WDR33: variants seen among roughly 807,000 people sequenced by gnomAD.
WDR33 encodes the protein WD repeat domain 33.
WDR33 carries 47 observed loss-of-function variants against 164.9 expected under a neutral mutation model. The observed-to-expected ratio is 0.29, with a 90% CI of 0.23 to 0.36. WDR33 has a LOEUF of 0.36. WDR33 is among the 10% of genes least tolerant of loss of function. The pLI is 1.00. For synonymous variants in WDR33, 505 were observed against 589.0 expected (o/e 0.86, Z 2.06); for missense variants, 1,137 against 1,754.1 (o/e 0.65, Z 6.28).
At chr2:127,780,746 A>G (rs1318866695) in intron 1 of WDR33, among the ~76,000 whole-genome samples, 1 of 152,202 alleles carries the variant, frequency 6.6e-6, no homozygotes, top group Non-Finnish European at 1.5e-5. Context: ...CTGAAGCAGG[A>G]GGATCCCTTG....
rs376187830 is a variant in WDR33 at position 127,712,751 on chromosome 2, T to TTTTTG, written c.3308+827_3308+831dup. Among the ~76,000 whole-genome samples, 4,084 of 152,240 alleles carry TTTTTG rather than the reference T, an allele frequency of 0.027. 193 individuals carry two copies. Among genetic ancestry groups the TTTTTG allele is most frequent in the African/African-American group, 0.092 (3,830 of 41,494 alleles). On this transcript the variant is annotated intron_variant, in intron 18 of 21. Transcript: ENST00000322313. This position sits in a 1 kb window ranked among gnomAD's most constrained non-coding sequence, Gnocchi z 4.0. ...TGAGATTTTACTATTTCCTGGTGTT[T>TTTTTG]TTTTGTTTTGTTTTGTTTTTCTTTT... is the stretch of plus-strand genomic sequence containing the variant.
Position 127,765,154 on chromosome 2 carries a change from C to A in WDR33, c.474+20G>T, listed in dbSNP as rs1287489014. On this transcript the variant is annotated intron_variant, in intron 5 of 21. Transcript: ENST00000322313. ...TTACAGTACCACAGGATGATGATACCATCTGGTGATTATCATTACCTGTAA... is the reference window on the plus strand; with the variant it reads ...TTACAGTACCACAGGATGATGATACAATCTGGTGATTATCATTACCTGTAA... The A allele has an allele frequency of 1.2e-6, 2 of 1,601,082 alleles. No individual in the cohort carries two copies. Among genetic ancestry groups the A allele is most frequent in the Admixed American group, 3.3e-5 (2 of 59,738 alleles).
At chr2:127,707,634 C>T (rs1188714744) in intron 21 of WDR33, among the ~76,000 whole-genome samples, 1 of 152,170 alleles carries the variant, frequency 6.6e-6, no homozygotes, top group African/African-American at 2.4e-5. Context: ...GCAGGGTGAT[C>T]TATTGATGAT....
In WDR33 at chr2:127,701,437, C is replaced by T. The variant is rs1685873732; in HGVS notation, c.*4886G>A. ...CCGCAGGCCCTGCCCCTTTCGCCGT[C>T]GCCGACCAATTGCCGCCCGAAGACC... is the stretch of plus-strand genomic sequence containing the variant. On this transcript the variant is annotated 3_prime_UTR_variant, in exon 22 of 22. Coordinates refer to ENST00000322313, the MANE Select transcript of WDR33 (RefSeq NM_018383.5). 7.6e-6 allele frequency: 9 copies of T among 1,188,232 alleles called. No homozygotes were observed. In the South Asian group the frequency reaches 2.2e-4, roughly 29 times the overall value. 73.6% of individuals were successfully genotyped at this position (1,188,232 alleles called of 1,614,324 possible). A position where few individuals can be genotyped will look rare whatever the true frequency, so the allele number is the denominator to read the frequency against.
rs1185313924 is a variant in WDR33, at chr2:127,738,200, TG to T, written c.725-11424del. ...AATCTGAGATAACATATGCTCCAAC[TG>T]GATCTTAACAAACATCTCCATTTCT... On this transcript the variant is annotated intron_variant, in intron 7 of 21. Coordinates refer to ENST00000322313, the MANE Select transcript of WDR33 (RefSeq NM_018383.5). The surrounding 1 kb of genome is among the most constrained non-coding windows in gnomAD (Gnocchi z 4.4). 1.7e-5 allele frequency: 11 copies of T among 639,284 alleles called. No individual in the cohort carries two copies. Among genetic ancestry groups the T allele is most frequent in the Non-Finnish European group, 2.4e-5 (10 of 416,766 alleles). 39.6% of individuals were successfully genotyped at this position (639,284 alleles called of 1,614,324 possible).
rs1687000122 is a variant in WDR33 at position 127,741,036 on chromosome 2, A to C, written c.725-14259T>G. Among the ~76,000 whole-genome samples the C allele has an allele frequency of 6.6e-6, 1 of 152,236 alleles. No individual in the cohort carries two copies. Among genetic ancestry groups the C allele is most frequent in the Non-Finnish European group, 1.5e-5 (1 of 68,024 alleles). On this transcript the variant is annotated intron_variant, in intron 7 of 21. Transcript: ENST00000322313. This position sits in a 1 kb window ranked among gnomAD's most constrained non-coding sequence, Gnocchi z 4.1. ...GTTGTCAGTGACAAAGGTTGTGGCA[A>C]AGGCTCAGTGACAAAGGCTGTGATG... is the stretch of plus-strand genomic sequence containing the variant.
At chr2:127,771,787 A>AGGAAGGAG (rs1688011558) in intron 1 of WDR33, among the ~76,000 whole-genome samples, 1 of 128,552 alleles carries the variant, frequency 7.8e-6, no homozygotes, top group Non-Finnish European at 1.6e-5. Context: ...GAAAGAAGGA[A>AGGAAGGAG]GGAGGGAGGG....
At chr2:127,780,612 C>G (rs995545657) in intron 1 of WDR33, among the ~76,000 whole-genome samples, 1 of 152,066 alleles carries the variant, frequency 6.6e-6, no homozygotes, top group African/African-American at 2.4e-5. Flanking sequence ...GACTGTAACC[C>G]CAGCATTTTG....
At position 127,724,200 on chromosome 2, in the gene WDR33, C is replaced by T; in HGVS notation, c.1196+133G>A. On this transcript the variant is annotated intron_variant, in intron 11 of 21. Coordinates refer to ENST00000322313, the MANE Select transcript of WDR33 (RefSeq NM_018383.5). This position sits in a 1 kb window ranked among gnomAD's most constrained non-coding sequence, Gnocchi z 4.8. Reference sequence around the variant, plus strand: ...TTATTGCAATATAAGTATTTGTAAACCACTACAAAAATATTCCCAAGAATA... The same window carrying T: ...TTATTGCAATATAAGTATTTGTAAATCACTACAAAAATATTCCCAAGAATA... The T allele has an allele frequency of 1.5e-6, 1 of 654,936 alleles. No homozygotes were observed. Among genetic ancestry groups the T allele is most frequent in the East Asian group, 3.0e-5 (1 of 33,112 alleles). The allele number at this position is 654,936 out of a possible 1,614,324, so 40.6% of individuals were successfully genotyped here. A position where few individuals can be genotyped will look rare whatever the true frequency, so the allele number is the denominator to read the frequency against.
chr2:127,724,350 G>A lies in WDR33; in HGVS notation c.1179C>T (p.Gly393=), dbSNP rs1164210939. The A allele has an allele frequency of 3.3e-5, 54 of 1,613,876 alleles. No individual in the cohort carries two copies. Among genetic ancestry groups the A allele is most frequent in the Non-Finnish European group, 4.6e-5 (54 of 1,179,928 alleles). The stretch of plus-strand genomic sequence containing the variant: ...AAGCTTACCTAGTATGGTCATTTGA[G>A]CCTGAGCAGAGAATATGCCCAAGAG... The part of the protein sequence containing the change: ...WHPLGHILCS[G]SNDHTSKFWT... The change falls in exon 11 of 22, where the codon GGC becomes GGT. Residue 393 remains glycine, a synonymous_variant. Transcript: ENST00000322313. The surrounding 1 kb of genome is among the most constrained non-coding windows in gnomAD (Gnocchi z 4.8).
Position 127,722,883 on chromosome 2 carries a change from A to G in WDR33, c.1378+75T>C, listed in dbSNP as rs1348216705. Reference sequence around the variant, plus strand: ...CAACATAAATCATTTTGGTATTTCAATATATTTATCAGGAACATAAACGGG... The same window carrying G: ...CAACATAAATCATTTTGGTATTTCAGTATATTTATCAGGAACATAAACGGG... On this transcript the variant is annotated intron_variant, in intron 13 of 21. Transcript: ENST00000322313. The surrounding 1 kb of genome is among the most constrained non-coding windows in gnomAD (Gnocchi z 5.1). 1 of 1,443,730 alleles carries G rather than the reference A, an allele frequency of 6.9e-7. No homozygotes were observed. Among genetic ancestry groups the G allele is most frequent in the Non-Finnish European group, 9.4e-7 (1 of 1,067,870 alleles). The allele number at this position is 1,443,730 out of a possible 1,614,324, so 89.4% of individuals were successfully genotyped here.
intron 1 of WDR33, among the ~76,000 whole-genome samples, chr2:127,790,334 G>A (rs577964209): frequency 2.6e-5 from 4 of 152,162 alleles, no homozygotes; most frequent in Admixed American, 2.6e-4. Flanking sequence ...ATATATTGCT[G>A]GATTTGAGTT....
At chr2:127,711,780 A>ATATATATTTTTTTTTTTTTT in intron 18 of WDR33, among the ~76,000 whole-genome samples, 5 of 88,298 alleles carry the variant, frequency 5.7e-5, no homozygotes, top group African/African-American at 3.2e-4. Context: ...ATATATATAT[A>ATATATATTTTTTTTTTTTTT]TTTTTTTTTT....
chr2:127,717,851 A>C lies in WDR33; in HGVS notation c.2761-588T>G, dbSNP rs76999683. Reference sequence around the variant, plus strand: ...GTCCTTGTGACTCTGACATGTTTATAAATATTTCAGTTATAACACAGTAGC... The same window carrying C: ...GTCCTTGTGACTCTGACATGTTTATCAATATTTCAGTTATAACACAGTAGC... On this transcript the variant is annotated intron_variant, in intron 16 of 21. Coordinates refer to ENST00000322313, the MANE Select transcript of WDR33 (RefSeq NM_018383.5). The surrounding 1 kb of genome is among the most constrained non-coding windows in gnomAD (Gnocchi z 5.6). Among the ~76,000 whole-genome samples the C allele has an allele frequency of 0.015, 2,244 of 152,338 alleles. 59 individuals are homozygous for C. Among genetic ancestry groups the C allele is most frequent in the African/African-American group, 0.05 (2,061 of 41,564 alleles).
In WDR33 at chr2:127,710,376, C is replaced by A. The variant is rs991072837; in HGVS notation, c.3309-520G>T. On this transcript the variant is annotated intron_variant, in intron 18 of 21. Transcript: ENST00000322313. The surrounding 1 kb of genome is among the most constrained non-coding windows in gnomAD (Gnocchi z 4.4). ...TAATCAGAAAAATGGGGGCACAGAT[C>A]GTGTCTGCCAACCATACTGGACCTG... Among the ~76,000 whole-genome samples, 1 of 152,214 alleles carries A rather than the reference C, an allele frequency of 6.6e-6. No individual in the cohort carries two copies. The highest frequency in any genetic ancestry group is 1.5e-5 in the Non-Finnish European group (1 of 68,042).
intron 7 of WDR33, chr2:127,762,842 A>C: frequency 7.4e-7 from 1 of 1,356,432 alleles, no homozygotes; most frequent in South Asian, 1.7e-5. Context: ...TCTTGTATTT[A>C]ATTTACAGCT....
chr2:127,711,780 A>ATATATATATATATATATATATATT lies in WDR33; in HGVS notation c.3308+1802_3308+1803insAATATATATATATATATATATATA. Among the ~76,000 whole-genome samples, 16 of 88,302 alleles carry ATATATATATATATATATATATATT rather than the reference A, an allele frequency of 1.8e-4. 1 individual carries two copies. The highest frequency in any genetic ancestry group is 5.2e-4 in the African/African-American group (8 of 15,438). 57.9% of individuals were successfully genotyped at this position (88,302 alleles called of 152,430 possible). A position where few individuals can be genotyped will look rare whatever the true frequency, so the allele number is the denominator to read the frequency against. On this transcript the variant is annotated intron_variant, in intron 18 of 21. Coordinates refer to ENST00000322313, the MANE Select transcript of WDR33 (RefSeq NM_018383.5). Reference sequence around the variant, plus strand: ...TATATATATATATATATATATATATATTTTTTTTTTGAGACAGAGTCTCGC... The same window carrying ATATATATATATATATATATATATT: ...TATATATATATATATATATATATATATATATATATATATATATATATATTTTTTTTTTTTGAGACAGAGTCTCGC...
intron 1 of WDR33, among the ~76,000 whole-genome samples, chr2:127,775,062 A>G (rs1312346758): frequency 6.6e-6 from 1 of 151,928 alleles, no homozygotes; most frequent in Non-Finnish European, 1.5e-5. Flanking sequence ...CCTGACAGAG[A>G]TGGTGGCTGC....
chr2:127,767,864 C>T (rs1687870754), intron 4 of WDR33, among the ~76,000 whole-genome samples: 1 of 152,104 alleles, frequency 6.6e-6, no homozygotes, highest in Non-Finnish European at 1.5e-5. Flanking sequence ...TTTCATTTAC[C>T]TTGGGATGCT....
Sources: allele counts gnomAD v4.1 joint callset (sites outside exome capture counted in the v4.1 genomes callset), GRCh38; gene constraint gnomAD v4.1.1; non-coding constraint Gnocchi (gnomAD v3.1); transcripts MANE v1.5; gene names NCBI Gene and HGNC (gene_info 2026-07-23, HGNC 2026-07-21).